Variants in KCNAB1 observed in about 807,000 individuals in gnomAD.
The protein encoded by KCNAB1 is voltage-gated potassium channel subunit beta-1.
KCNAB1 carries 35 observed loss-of-function variants against 64.6 expected under a neutral mutation model. The observed-to-expected ratio is 0.54, with a 90% CI of 0.41 to 0.72. The LOEUF (loss-of-function observed/expected upper bound fraction) is 0.72. KCNAB1 is among the 30% of genes least tolerant of loss of function. The pLI is 0.00. For missense variants in KCNAB1, 401 were observed against 512.9 expected, an observed-to-expected ratio of 0.78 and a Z score of 2.11; for synonymous variants, 177 against 183.8, an observed-to-expected ratio of 0.96 and a Z score of 0.30.
intron 1 of KCNAB1, among the ~76,000 whole-genome samples, chr3:156,156,590 CA>C (rs1351587146): frequency 6.6e-6 from 1 of 152,088 alleles, no homozygotes; most frequent in East Asian, 1.9e-4. Context: ...ATATGATATG[CA>C]ATAAAGGGAA....
intron 1 of KCNAB1, among the ~76,000 whole-genome samples, chr3:156,317,208 C>T (rs896839600): frequency 1.3e-4 from 20 of 152,220 alleles, no homozygotes; most frequent in African/African-American, 3.6e-4. Flanking sequence ...GTTAGAAATA[C>T]GATTCTAGAC....
chr3:156,168,070 G>C (rs554092751), intron 1 of KCNAB1, among the ~76,000 whole-genome samples: 1 of 152,080 alleles, frequency 6.6e-6, no homozygotes, highest in African/African-American at 2.4e-5. Flanking sequence ...ATCTATGGTG[G>C]TGCACACCTG....
intron 1 of KCNAB1, among the ~76,000 whole-genome samples, chr3:156,122,161 T>C (rs1317234851): frequency 7.1e-6 from 1 of 140,486 alleles, no homozygotes; most frequent in African/African-American, 2.7e-5. Flanking sequence ...ACATTTGGGG[T>C]ACATGGGAGG....
intron 13 of KCNAB1, among the ~76,000 whole-genome samples, chr3:156,534,328 T>C (rs1718901922): frequency 6.6e-6 from 1 of 152,112 alleles, no homozygotes; most frequent in African/African-American, 2.4e-5. Context: ...CGTATATAAA[T>C]CAGAGCCTGA....
At chr3:156,397,973 G>T (rs1488533540) in intron 1 of KCNAB1, among the ~76,000 whole-genome samples, 1 of 152,156 alleles carries the variant, frequency 6.6e-6, no homozygotes, top group Non-Finnish European at 1.5e-5. Flanking sequence ...TTCATTGTGT[G>T]CCTTAATCAG....
At chr3:156,462,413 G>A (rs966576538) in intron 5 of KCNAB1, among the ~76,000 whole-genome samples, 3 of 152,146 alleles carry the variant, frequency 2.0e-5, no homozygotes, top group East Asian at 3.8e-4. Flanking sequence ...AAAGGAGACC[G>A]GGCTCCCCTG....
At chr3:156,513,136 C>T (rs572451303) in intron 8 of KCNAB1, among the ~76,000 whole-genome samples, 32 of 151,984 alleles carry the variant, frequency 2.1e-4, no homozygotes, top group Middle Eastern at 3.4e-3. Flanking sequence ...GGCATGAACC[C>T]GGGAGGCGGA....
chr3:156,324,473 A>G (rs1722849359), intron 1 of KCNAB1, among the ~76,000 whole-genome samples: 1 of 152,140 alleles, frequency 6.6e-6, no homozygotes, highest in East Asian at 1.9e-4. Context: ...ATTATGTTGA[A>G]CAGGTTTTTC....
intron 1 of KCNAB1, among the ~76,000 whole-genome samples, chr3:156,304,110 T>A (rs1444551594): frequency 1.3e-5 from 2 of 152,240 alleles, no homozygotes; most frequent in Admixed American, 1.3e-4. Flanking sequence ...AATAGAACAT[T>A]CGTAAAATGT....
intron 1 of KCNAB1, among the ~76,000 whole-genome samples, chr3:156,203,841 T>G (rs1448591443): frequency 6.6e-6 from 1 of 152,254 alleles, no homozygotes; most frequent in East Asian, 1.9e-4. Context: ...AAGTTTACTC[T>G]GTCTTTTCAG....
chr3:156,171,063 A>G (rs908146094), intron 1 of KCNAB1, among the ~76,000 whole-genome samples: 1 of 152,036 alleles, frequency 6.6e-6, no homozygotes, highest in African/African-American at 2.4e-5. Flanking sequence ...GTGGGCTTTT[A>G]CCCAATTATG....
intron 1 of KCNAB1, among the ~76,000 whole-genome samples, chr3:156,330,817 C>A (rs1457316606): frequency 1.3e-5 from 2 of 152,154 alleles, no homozygotes; most frequent in Non-Finnish European, 2.9e-5. Context: ...CACTTCTGTC[C>A]TCCCAGGGCA....
At chr3:156,251,680 T>A (rs1315486639) in intron 1 of KCNAB1, among the ~76,000 whole-genome samples, 2 of 152,116 alleles carry the variant, frequency 1.3e-5, no homozygotes, top group African/African-American at 4.8e-5. Flanking sequence ...TCCCACTCAT[T>A]CATTCGGTAG....
At position 156,375,255 on chromosome 3, in the gene KCNAB1, C is replaced by T. The variant is rs1407002706; in HGVS notation, c.276-46361C>T. On this transcript the variant is annotated intron_variant, in intron 1 of 13. Coordinates refer to ENST00000490337, the MANE Select transcript of KCNAB1 (RefSeq NM_172160.3). ...AACGTAGAATGCAGTTTTCTTCATC[C>T]TCTCTTCCTTGCAAAAGGCCACAGT... Among the ~76,000 whole-genome samples the T allele has an allele frequency of 1.5e-5, 2 of 135,594 alleles. 1 individual carries two copies. The allele number at this position is 135,594 out of a possible 152,430, so 89.0% of individuals were successfully genotyped here.
At position 156,452,894 on chromosome 3, in the gene KCNAB1, T is replaced by C; in HGVS notation, c.320-5T>C. 1 of 1,592,416 alleles carries C rather than the reference T, an allele frequency of 6.3e-7. No homozygotes were observed. Among genetic ancestry groups the C allele is most frequent in the Non-Finnish European group, 8.6e-7 (1 of 1,164,324 alleles). ...AATAATATGCAAATATTTATTATTT[T>C]CTAGGAACATGGGTGACATTTGGAG... On this transcript the variant is annotated splice_polypyrimidine_tract_variant and splice_region_variant and intron_variant, in intron 2 of 13. Transcript: ENST00000490337. This position sits in a 1 kb window ranked among gnomAD's most constrained non-coding sequence, Gnocchi z 4.6.
intron 1 of KCNAB1, among the ~76,000 whole-genome samples, chr3:156,224,123 C>A (rs571497325): frequency 6.6e-6 from 1 of 152,364 alleles, no homozygotes; most frequent in Non-Finnish European, 1.5e-5. Context: ...TGGGCCAGCA[C>A]TGCTGGGGGA....
intron 1 of KCNAB1, among the ~76,000 whole-genome samples, chr3:156,188,383 C>A (rs1295371207): frequency 6.6e-6 from 1 of 151,816 alleles, no homozygotes. Context: ...ATTTAGAAAC[C>A]AGTATTATAC....
intron 1 of KCNAB1, among the ~76,000 whole-genome samples, chr3:156,269,352 T>C (rs1560167026): frequency 6.6e-6 from 1 of 152,254 alleles, no homozygotes; most frequent in Admixed American, 6.5e-5. Flanking sequence ...TCAGAAAAGA[T>C]ACTTGATATT....
chr3:156,191,845 C>A (rs941152362), intron 1 of KCNAB1, among the ~76,000 whole-genome samples: 1 of 152,174 alleles, frequency 6.6e-6, no homozygotes, highest in Admixed American at 6.5e-5. Flanking sequence ...AAGGCACAAT[C>A]CCAGGTGATG....
Sources: gnomAD v4.1 joint callset for allele counts (sites outside exome capture counted in the v4.1 genomes callset) on GRCh38, gnomAD v4.1.1 for gene constraint, Gnocchi (gnomAD v3.1) non-coding constraint, MANE v1.5 for transcripts, NCBI Gene and HGNC (gene_info 2026-07-23, HGNC 2026-07-21) for gene names.